The following TBC1D21 variants were observed in gnomAD, a reference collection of about 807,000 sequenced individuals.
The protein encoded by TBC1D21 is male germ cell Rab GTPase-activating protein.
Under a neutral mutation model 46.0 loss-of-function variants are expected in TBC1D21, and 38 were observed. The observed-to-expected ratio is 0.83, with a 90% CI of 0.64 to 1.08. The LOEUF is 1.08. Ranked by LOEUF, TBC1D21 falls within the 50% of genes least tolerant of loss-of-function variation. The pLI, the probability that TBC1D21 is intolerant of heterozygous loss-of-function variation, is 0.00. For synonymous variants in TBC1D21, 151 were observed against 157.2 expected (o/e 0.96, Z 0.29); for missense variants, 415 against 417.9 (o/e 0.99, Z 0.06).
intron 3 of TBC1D21, among the ~76,000 whole-genome samples, chr15:73,882,135 C>T (rs998516436): frequency 3.3e-5 from 5 of 152,136 alleles, no homozygotes; most frequent in Admixed American, 6.5e-5. Context: ...AGCTGCCTCC[C>T]GGGTCTAGTC....
chr15:73,904,471 C>T, the TBC1D21 span, among the ~76,000 whole-genome samples: 1 of 152,230 alleles, frequency 6.6e-6, no homozygotes, highest in Non-Finnish European at 1.5e-5. Flanking sequence ...AGTATTTACA[C>T]CACAGAAATT....
At chr15:73,899,702 C>T in the TBC1D21 span, among the ~76,000 whole-genome samples, 1 of 151,992 alleles carries the variant, frequency 6.6e-6, no homozygotes, top group East Asian at 1.9e-4. Flanking sequence ...AAATGCCGAG[C>T]CTGGACAGAA....
chr15:73,904,052 A>AT, the TBC1D21 span, among the ~76,000 whole-genome samples: 29 of 149,374 alleles, frequency 1.9e-4, no homozygotes, highest in Admixed American at 9.9e-4. Flanking sequence ...CGTCTCAAAA[A>AT]AATATATATA....
intron 1 of TBC1D21, 122 bp from the exon 2 acceptor site, chr15:73,881,277 C>G (rs2068148581): frequency 6.0e-6 from 4 of 668,300 alleles, no homozygotes; most frequent in African/African-American, 3.6e-5. Context: ...AGATAGATTT[C>G]CGAAGTAAGT....
At chr15:73,876,623 T>C (rs2068074035) in intron 1 of TBC1D21, among the ~76,000 whole-genome samples, 1 of 152,126 alleles carries the variant, frequency 6.6e-6, no homozygotes, top group Non-Finnish European at 1.5e-5. Flanking sequence ...GGTTTAGAAA[T>C]GCAAATTCTC....
the TBC1D21 span, among the ~76,000 whole-genome samples, chr15:73,898,880 A>AAAAAAAAATATATATATAT: frequency 2.4e-3 from 138 of 56,690 alleles, 1 homozygote; most frequent in Non-Finnish European, 3.9e-3. Flanking sequence ...AAAAAAAAAA[A>AAAAAAAAATATATATATAT]ATATATATAT....
At position 73,888,452 on chromosome 15, in the gene TBC1D21, TTGATGCTGATGAGCTGATCTC is replaced by T. The variant is rs965431872; in HGVS notation, c.920_940del (p.Asp307_Ser313del). The T allele has an allele frequency of 6.2e-7, 1 of 1,613,892 alleles. No homozygotes were observed. Among genetic ancestry groups the T allele is most frequent in the Non-Finnish European group, 8.5e-7 (1 of 1,179,928 alleles). ...CAGGCCTGCAACAACCTCATCGACC[TTGATGCTGATGAGCTGATCTC>T]TGCCGCCTGCGTGGTTTATGCTGAG... On this transcript the variant is annotated inframe_deletion, in exon 10 of 11. Transcript: ENST00000300504.
At chr15:73,883,007 G>A (rs1399598662) in intron 3 of TBC1D21, among the ~76,000 whole-genome samples, 1 of 152,218 alleles carries the variant, frequency 6.6e-6, no homozygotes, top group Non-Finnish European at 1.5e-5. Flanking sequence ...CCATGGGAGG[G>A]CTCCGTACAC....
the TBC1D21 span, among the ~76,000 whole-genome samples, chr15:73,901,823 G>GT: frequency 6.6e-6 from 1 of 151,076 alleles, no homozygotes; most frequent in South Asian, 2.1e-4. Flanking sequence ...TTTTTTGTTT[G>GT]TTTTTTTGAG....
At chr15:73,880,557 G>A (rs1037455294) in intron 1 of TBC1D21, among the ~76,000 whole-genome samples, 1 of 152,162 alleles carries the variant, frequency 6.6e-6, no homozygotes, top group Non-Finnish European at 1.5e-5. Flanking sequence ...GATCACCTGA[G>A]GCCAAGAGAT....
chr15:73,893,814 T>C (rs1326021998), downstream of TBC1D21, among the ~76,000 whole-genome samples: 2 of 152,106 alleles, frequency 1.3e-5, no homozygotes, highest in Non-Finnish European at 2.9e-5. Context: ...ACATAGCTAC[T>C]AGGAAGGGCC....
chr15:73,881,605 G>C, intron 2 of TBC1D21, 39 bp from the exon 3 acceptor site: 2 of 1,604,332 alleles, frequency 1.2e-6, no homozygotes, highest in South Asian at 2.2e-5. Flanking sequence ...GGTAGGCATC[G>C]ATAGAGCCCA....
At chr15:73,882,997 C>T (rs1019136915) in intron 3 of TBC1D21, among the ~76,000 whole-genome samples, 1 of 152,240 alleles carries the variant, frequency 6.6e-6, no homozygotes, top group Non-Finnish European at 1.5e-5. Flanking sequence ...CCTTGCCTGT[C>T]CATGGGAGGG....
At chr15:73,893,346 G>A (rs549155272), downstream of TBC1D21, among the ~76,000 whole-genome samples, 11 of 152,220 alleles carry the variant, frequency 7.2e-5, no homozygotes, top group Middle Eastern at 3.4e-3. Flanking sequence ...ATGAATCACC[G>A]TGGCCATGAG....
intron 1 of TBC1D21, among the ~76,000 whole-genome samples, chr15:73,879,997 C>G (rs1567064201): frequency 6.6e-6 from 1 of 151,764 alleles, no homozygotes; most frequent in Admixed American, 6.6e-5. Context: ...ACCGGGTTCA[C>G]GTAGTTCTCC....
At chr15:73,898,995 A>G in the TBC1D21 span, among the ~76,000 whole-genome samples, 1 of 150,936 alleles carries the variant, frequency 6.6e-6, no homozygotes, top group African/African-American at 2.4e-5. Flanking sequence ...TTTTGGCACA[A>G]TGTCTTCAAA....
At chr15:73,882,906 C>A (rs892813117) in intron 3 of TBC1D21, among the ~76,000 whole-genome samples, 3 of 152,208 alleles carry the variant, frequency 2.0e-5, no homozygotes, top group African/African-American at 7.2e-5. Flanking sequence ...GAGAACGGAG[C>A]CTGTGTCTTC....
At position 73,885,107 on chromosome 15, in the gene TBC1D21, AG is replaced by A; in HGVS notation, c.579+7del. 1 of 1,611,088 alleles carries A rather than the reference AG, an allele frequency of 6.2e-7. No individual in the cohort carries two copies. ...CCAGTTCTTCCTGCAGAAAACGGTG[AG>A]GGCAAGGCCTGAGCTCAGGGACGCC... On this transcript the variant is annotated splice_donor_5th_base_variant and intron_variant, in intron 6 of 10. Coordinates refer to ENST00000300504, the MANE Select transcript of TBC1D21 (RefSeq NM_153356.3).
chr15:73,889,425 G>T (rs978529805), downstream of TBC1D21, among the ~76,000 whole-genome samples: 1 of 152,186 alleles, frequency 6.6e-6, no homozygotes, highest in Non-Finnish European at 1.5e-5. Flanking sequence ...GATACAAATG[G>T]TTAGAGTAGA....
Sources: gnomAD v4.1 joint callset for allele counts (sites outside exome capture counted in the v4.1 genomes callset) on GRCh38, gnomAD v4.1.1 for gene constraint, MANE v1.5 for transcripts, NCBI Gene and HGNC (gene_info 2026-07-23, HGNC 2026-07-21) for gene names.